KAZN: variants seen among roughly 807,000 people sequenced by gnomAD.
The protein encoded by KAZN is kazrin.
A neutral mutation model predicts 87.4 loss-of-function variants in KAZN; 40 were observed. The observed-to-expected ratio is 0.46, with a 90% CI of 0.36 to 0.60. KAZN has a LOEUF of 0.60. Ranked by LOEUF, KAZN falls within the 20% of genes least tolerant of loss-of-function variation. KAZN has a pLI of 0.00. For synonymous variants in KAZN, 466 were observed against 458.3 expected (o/e 1.02, Z -0.22); for missense variants, 898 against 1,073.9 (o/e 0.84, Z 2.29).
intron 1 of KAZN, among the ~76,000 whole-genome samples, chr1:14,883,355 A>AAAAG (rs1244741160): frequency 0.13 from 2,633 of 20,726 alleles, 667 homozygotes; most frequent in Non-Finnish European, 0.14. Flanking sequence ...AGAAAGAAAG[A>AAAAG]AAAGAAAGAA....
intron 1 of KAZN, among the ~76,000 whole-genome samples, chr1:14,087,770 A>C (rs1408883538): frequency 1.3e-5 from 2 of 152,050 alleles, no homozygotes; most frequent in Non-Finnish European, 2.9e-5. Flanking sequence ...ATTTTCAAAC[A>C]TTAAGCCAGT....
chr1:14,664,460 G>A lies in KAZN; in HGVS notation c.226+65237G>A, dbSNP rs553587193. ...AAGGAAGTAGAATGGCGGTTGCCAGGGGCAACCATGTTGATATTGGTTTGA... is the reference window on the plus strand; with the variant it reads ...AAGGAAGTAGAATGGCGGTTGCCAGAGGCAACCATGTTGATATTGGTTTGA... On this transcript the variant is annotated intron_variant, in intron 1 of 14. Transcript: ENST00000376030. Among the ~76,000 whole-genome samples, 5 of 152,192 alleles carry A rather than the reference G, an allele frequency of 3.3e-5. No homozygotes were observed. The South Asian group carries it at 1.0e-3, about 32-fold the overall frequency.
At chr1:14,182,500 G>T (rs1258322521) in intron 2 of KAZN, among the ~76,000 whole-genome samples, 1 of 152,102 alleles carries the variant, frequency 6.6e-6, no homozygotes, top group African/African-American at 2.4e-5. Context: ...ACAGTGTTTT[G>T]GTTATGATCC....
chr1:14,697,609 C>T (rs7553105), intron 1 of KAZN, among the ~76,000 whole-genome samples: 63,068 of 151,790 alleles, frequency 0.42, 13,184 homozygotes, highest in South Asian at 0.51. Context: ...CACCATGCCC[C>T]CATCTCTCTT....
At chr1:14,464,439 G>A (rs1668007717) in intron 2 of KAZN, among the ~76,000 whole-genome samples, 1 of 152,106 alleles carries the variant, frequency 6.6e-6, no homozygotes, top group Admixed American at 6.5e-5. Context: ...GTTTACCCAA[G>A]TCCTCCCCTT....
chr1:14,876,302 G>GCAAA (rs1339036713), intron 1 of KAZN, among the ~76,000 whole-genome samples: 4 of 152,168 alleles, frequency 2.6e-5, no homozygotes, highest in African/African-American at 9.7e-5. Flanking sequence ...TATTACATGC[G>GCAAA]CAAATGCAGC....
intron 2 of KAZN, among the ~76,000 whole-genome samples, chr1:14,302,253 G>A (rs1438705974): frequency 6.6e-6 from 1 of 152,206 alleles, no homozygotes; most frequent in African/African-American, 2.4e-5. Flanking sequence ...ATAGCAAAGA[G>A]TTGGAGAGAA....
At position 15,116,409 on chromosome 1, in the gene KAZN, A is replaced by C. The variant is rs757531796; in HGVS notation, c.*1774A>C. 4 of 152,182 alleles carry C rather than the reference A, an allele frequency of 2.6e-5. No homozygotes were observed. Among genetic ancestry groups the C allele is most frequent in the Non-Finnish European group, 4.4e-5 (3 of 68,024 alleles). The allele number at this position is 152,182 out of a possible 1,614,324, so 9.4% of individuals were successfully genotyped here. On this transcript the variant is annotated 3_prime_UTR_variant, in exon 15 of 15. Transcript: ENST00000376030. Reference sequence around the variant, plus strand: ...AACGCAGCCTTTCTTGCTGTCTGAGACCAAATGTCTAGTTGGTAGACAGGT... The same window carrying C: ...AACGCAGCCTTTCTTGCTGTCTGAGCCCAAATGTCTAGTTGGTAGACAGGT...
At chr1:14,428,087 G>A (rs1197701228) in intron 2 of KAZN, among the ~76,000 whole-genome samples, 1 of 152,196 alleles carries the variant, frequency 6.6e-6, no homozygotes, top group African/African-American at 2.4e-5. Context: ...TCTGATTTAT[G>A]TCAGGTTCCT....
At chr1:14,922,791 CAAAA>C (rs35903866) in intron 1 of KAZN, among the ~76,000 whole-genome samples, 2 of 75,572 alleles carry the variant, frequency 2.6e-5, no homozygotes, top group African/African-American at 5.1e-5. Flanking sequence ...GACTCTGTCT[CAAAA>C]AAAAAAAAAA....
chr1:13,894,684 A>T (rs755133978), intron 1 of KAZN, among the ~76,000 whole-genome samples: 9 of 152,148 alleles, frequency 5.9e-5, no homozygotes, highest in Non-Finnish European at 8.8e-5. Flanking sequence ...GTCAGTGTTG[A>T]TGCTTTCATT....
rs553908351 is a variant in KAZN at position 14,850,966 on chromosome 1, G to A, written c.227-109718G>A. On this transcript the variant is annotated intron_variant, in intron 1 of 14. Coordinates refer to ENST00000376030, the MANE Select transcript of KAZN (RefSeq NM_201628.3). ...GCCTGCTCACAGTACCTGAGAGACA[G>A]CACGCAGTCTTTCTCCACTCTGTCC... 6.4e-4 allele frequency among the ~76,000 whole-genome samples: 98 copies of A among 152,316 alleles called. 4 individuals are homozygous for A. Among genetic ancestry groups the A allele is most frequent in the African/African-American group, 2.3e-3 (94 of 41,568 alleles).
chr1:15,050,440 C>T (rs28432378), intron 4 of KAZN, among the ~76,000 whole-genome samples: 52,835 of 151,536 alleles, frequency 0.35, 11,476 homozygotes, highest in East Asian at 0.74. Flanking sequence ...TTTCCTGCCT[C>T]AGTTTCCTCA....
At chr1:14,478,297 G>T (rs1237043314) in intron 2 of KAZN, among the ~76,000 whole-genome samples, 1 of 151,016 alleles carries the variant, frequency 6.6e-6, no homozygotes, top group African/African-American at 2.5e-5. Flanking sequence ...AAGGGTGGAT[G>T]GGAGGATATA....
intron 1 of KAZN, among the ~76,000 whole-genome samples, chr1:14,815,797 C>T (rs1477734673): frequency 6.6e-6 from 1 of 152,148 alleles, no homozygotes; most frequent in Non-Finnish European, 1.5e-5. Context: ...TGCCCAGCTC[C>T]ATATCCACAT....
rs150239467 is a variant in KAZN at position 15,043,845 on chromosome 1, A to G, written c.556-144A>G. The stretch of plus-strand genomic sequence containing the variant: ...TTTTTAGTAGAGACGGGGTTTCACC[A>G]TGTTAGCCAGGATGGTCTCAATCTC... On this transcript the variant is annotated intron_variant, in intron 3 of 14. Transcript: ENST00000376030. The G allele has an allele frequency of 3.6e-3, 2,800 of 780,316 alleles. 66 individuals are homozygous for G. In the African/African-American group the frequency reaches 0.045, roughly 13 times the overall value. 48.3% of individuals were successfully genotyped at this position (780,316 alleles called of 1,614,324 possible).
Position 13,894,220 on chromosome 1 carries a change from A to G in KAZN, c.91+464A>G, listed in dbSNP as rs112457174. 6.7e-3 allele frequency among the ~76,000 whole-genome samples: 1,013 copies of G among 152,272 alleles called. 12 individuals carry two copies. Among genetic ancestry groups the G allele is most frequent in the African/African-American group, 0.019 (775 of 41,560 alleles). ...TGCTGGAGTAACTTCCATGCTTATA[A>G]GTGTCTGCTCTGAGCAGCCTCTCCC... On this transcript the variant is annotated intron_variant, in intron 1 of 16. Coordinates refer to the KAZN transcript ENST00000636203.
At chr1:13,972,024 GTCTCAGGCATTTCTT>G (rs1366819903) in intron 1 of KAZN, among the ~76,000 whole-genome samples, 1 of 152,106 alleles carries the variant, frequency 6.6e-6, no homozygotes, top group Non-Finnish European at 1.5e-5. Flanking sequence ...TGATTACCCA[GTCTCAGGCATTTCTT>G]TATATTAATG....
rs922681086 is a variant in KAZN at position 14,996,007 on chromosome 1, G to A, written c.418+35132G>A. ...TCAACAGTCAGCTGGACCCAAGGGC[G>A]GCTGCCCTATAAGACACCTAATGCC... On this transcript the variant is annotated intron_variant, in intron 2 of 14. Coordinates refer to ENST00000376030, the MANE Select transcript of KAZN (RefSeq NM_201628.3). This position sits in a 1 kb window ranked among gnomAD's most constrained non-coding sequence, Gnocchi z 5.9. Among the ~76,000 whole-genome samples the A allele has an allele frequency of 7.2e-5, 11 of 152,122 alleles. No individual in the cohort carries two copies. Among genetic ancestry groups the A allele is most frequent in the Non-Finnish European group, 1.3e-4 (9 of 68,024 alleles).
Sources: gnomAD v4.1 joint callset for allele counts (sites outside exome capture counted in the v4.1 genomes callset) on GRCh38, gnomAD v4.1.1 for gene constraint, Gnocchi (gnomAD v3.1) non-coding constraint, MANE v1.5 for transcripts, NCBI Gene and HGNC (gene_info 2026-07-23, HGNC 2026-07-21) for gene names.